The following RANBP3 variants were observed in gnomAD, a reference collection of about 807,000 sequenced individuals.
RANBP3 encodes the protein ran-binding protein 3.
A neutral mutation model predicts 77.3 loss-of-function variants in RANBP3; 14 were observed. The ratio of observed to expected loss-of-function variants is 0.18; its 90% CI spans 0.12 to 0.28. The LOEUF (loss-of-function observed/expected upper bound fraction) is 0.28, where lower values mean the gene tolerates loss of function less well. Ranked by LOEUF, RANBP3 falls within the 10% of genes least tolerant of loss-of-function variation. The probability of loss-of-function intolerance (pLI) is 1.00; values close to 1 mark genes in which losing one functional copy is unlikely to be tolerated. For synonymous variants in RANBP3, 315 were observed against 312.4 expected (o/e 1.01, Z -0.09); for missense variants, 586 against 752.3 (o/e 0.78, Z 2.59).
At chr19:5,953,640 C>T (rs1037113067) in intron 2 of RANBP3, among the ~76,000 whole-genome samples, 1 of 152,092 alleles carries the variant, frequency 6.6e-6, no homozygotes, top group Non-Finnish European at 1.5e-5. Flanking sequence ...ATGGAACAGC[C>T]TACATAAGGA....
intron 12 of RANBP3, 66 bp from the exon 13 acceptor site, chr19:5,923,369 C>T (rs2057853136): frequency 1.3e-6 from 2 of 1,494,750 alleles, no homozygotes; most frequent in East Asian, 2.3e-5. Context: ...CTCCCCTCAT[C>T]CGACAGGAGA....
At chr19:5,938,639 C>T (rs999891933) in intron 5 of RANBP3, among the ~76,000 whole-genome samples, 11 of 152,044 alleles carry the variant, frequency 7.2e-5, no homozygotes, top group African/African-American at 9.7e-5. Flanking sequence ...TTGCAGTGAG[C>T]CAAGATCGCC....
chr19:5,926,721 C>A (rs1286206316), intron 9 of RANBP3, among the ~76,000 whole-genome samples: 1 of 152,152 alleles, frequency 6.6e-6, no homozygotes, highest in African/African-American at 2.4e-5. Flanking sequence ...AGGGCCTGAA[C>A]TCCACAGGCC....
chr19:5,933,137 G>A lies in RANBP3; in HGVS notation c.472+277C>T, dbSNP rs990011305. On this transcript the variant is annotated intron_variant, in intron 6 of 16. Transcript: ENST00000340578. ...AGGACAGACAGGCTGAACCAAGTGC[G>A]CTACTGCTGGGCATGGAGCCCGCCC... The A allele has an allele frequency of 9.5e-6, 4 of 418,964 alleles. No homozygotes were observed. In the South Asian group the frequency reaches 1.1e-4, roughly 12 times the overall value. 26.0% of individuals were successfully genotyped at this position (418,964 alleles called of 1,614,324 possible). A position where few individuals can be genotyped will look rare whatever the true frequency, so the allele number is the denominator to read the frequency against.
At chr19:5,964,921 A>T (rs577565986) in intron 1 of RANBP3, among the ~76,000 whole-genome samples, 1 of 148,252 alleles carries the variant, frequency 6.7e-6, no homozygotes, top group Admixed American at 7.0e-5. Flanking sequence ...GCACATTTAT[A>T]CCTGCATGTG....
intron 7 of RANBP3, among the ~76,000 whole-genome samples, chr19:5,932,052 T>C (rs1050324259): frequency 6.6e-6 from 1 of 150,440 alleles, no homozygotes; most frequent in Non-Finnish European, 1.5e-5. Flanking sequence ...AATAAATAAA[T>C]AAATAAATAA....
At chr19:5,945,365 T>C (rs1161427514) in intron 3 of RANBP3, among the ~76,000 whole-genome samples, 1 of 152,202 alleles carries the variant, frequency 6.6e-6, no homozygotes, top group Non-Finnish European at 1.5e-5. Context: ...GTCAATTTCC[T>C]AGTTTCCGTT....
intron 1 of RANBP3, among the ~76,000 whole-genome samples, chr19:5,974,082 G>A (rs117756749): frequency 0.011 from 1,640 of 152,158 alleles, 10 homozygotes; most frequent in South Asian, 0.028. Flanking sequence ...TTGTCATGAC[G>A]ACCCCGCGAG....
intron 9 of RANBP3, among the ~76,000 whole-genome samples, chr19:5,927,176 TGGG>T (rs2057922715): frequency 6.6e-6 from 1 of 152,166 alleles, no homozygotes; most frequent in Non-Finnish European, 1.5e-5. Flanking sequence ...TGTCTGTGGC[TGGG>T]AAAGGTGGTG....
intron 1 of RANBP3, among the ~76,000 whole-genome samples, chr19:5,961,882 C>T (rs1358975769): frequency 6.6e-6 from 1 of 151,904 alleles, no homozygotes; most frequent in Non-Finnish European, 1.5e-5. Flanking sequence ...GCTGCACGTC[C>T]CACACTTAGG....
In RANBP3 at chr19:5,921,158, C is replaced by T. The variant is rs766869859; in HGVS notation, c.1330+43G>A. ...TTGGAATTGCATAGTCCCCAGCCCT[C>T]CCCATGGGGACCCGGCCACAGCCCC... On this transcript the variant is annotated intron_variant, in intron 14 of 16. Transcript: ENST00000340578. This position sits in a 1 kb window ranked among gnomAD's most constrained non-coding sequence, Gnocchi z 5.3. 2 of 1,591,366 alleles carry T rather than the reference C, an allele frequency of 1.3e-6. No homozygotes were observed. Among genetic ancestry groups the T allele is most frequent in the South Asian group, 2.2e-5 (2 of 89,878 alleles).
At chr19:5,923,985 C>G in intron 11 of RANBP3, 71 bp from the exon 12 acceptor site, 2 of 1,211,380 alleles carry the variant, frequency 1.7e-6, no homozygotes, top group Non-Finnish European at 2.4e-6. Context: ...CTGAGCACCT[C>G]TCTGCCTGGC....
intron 1 of RANBP3, among the ~76,000 whole-genome samples, chr19:5,962,127 C>T (rs187877045): frequency 1.3e-5 from 2 of 152,130 alleles, no homozygotes; most frequent in African/African-American, 2.4e-5. Context: ...CAGCGTACAC[C>T]GCATCAACAC....
At chr19:5,922,972 A>G (rs1314884460) in intron 13 of RANBP3, among the ~76,000 whole-genome samples, 2 of 152,210 alleles carry the variant, frequency 1.3e-5, no homozygotes, top group Non-Finnish European at 2.9e-5. Flanking sequence ...AGAATGTCTC[A>G]AACAGATCCT....
rs1389377686 is a variant in RANBP3, at chr19:5,917,513, G to A, written c.*97C>T. The A allele has an allele frequency of 1.2e-5, 16 of 1,389,768 alleles. No homozygotes were observed. Among genetic ancestry groups the A allele is most frequent in the East Asian group, 1.0e-4 (4 of 39,696 alleles). 86.1% of individuals were successfully genotyped at this position (1,389,768 alleles called of 1,614,324 possible). The stretch of plus-strand genomic sequence containing the variant: ...CGGCCCAGTGGGGTGTGTGGTTCCC[G>A]GCCCCGCACCTGGACGCTGCCGGTG... On this transcript the variant is annotated 3_prime_UTR_variant, in exon 17 of 17. Coordinates refer to ENST00000340578, the MANE Select transcript of RANBP3 (RefSeq NM_007322.3).
intron 1 of RANBP3, among the ~76,000 whole-genome samples, chr19:5,969,768 AAG>A (rs1393918343): frequency 6.6e-6 from 1 of 152,226 alleles, no homozygotes; most frequent in African/African-American, 2.4e-5. Flanking sequence ...GGCATCCCTG[AAG>A]GTTCTTCCCA....
chr19:5,921,087 T>C lies in RANBP3; in HGVS notation c.1330+114A>G. ...CTCATGGGAGACCGACTCTGTGCCT[T>C]GACTCTCACAAGGGTAGGGTCAGGA... On this transcript the variant is annotated intron_variant, in intron 14 of 16. Transcript: ENST00000340578. This position sits in a 1 kb window ranked among gnomAD's most constrained non-coding sequence, Gnocchi z 5.3. The C allele has an allele frequency of 7.3e-7, 1 of 1,367,620 alleles. No individual in the cohort carries two copies. 84.7% of individuals were successfully genotyped at this position (1,367,620 alleles called of 1,614,324 possible). A position where few individuals can be genotyped will look rare whatever the true frequency, so the allele number is the denominator to read the frequency against.
intron 1 of RANBP3, among the ~76,000 whole-genome samples, chr19:5,963,206 T>G (rs1410608650): frequency 1.3e-5 from 2 of 152,184 alleles, no homozygotes; most frequent in Admixed American, 1.3e-4. Flanking sequence ...ACCTAGTTTG[T>G]AAAAAATGCA....
chr19:5,966,606 C>A (rs560605883), intron 1 of RANBP3, among the ~76,000 whole-genome samples: 14 of 152,392 alleles, frequency 9.2e-5, no homozygotes, highest in African/African-American at 3.4e-4. Flanking sequence ...CCCTGCCTTA[C>A]AGTAAGCTTT....
Sources: gnomAD v4.1 joint callset for allele counts (sites outside exome capture counted in the v4.1 genomes callset) on GRCh38, gnomAD v4.1.1 for gene constraint, Gnocchi (gnomAD v3.1) non-coding constraint, MANE v1.5 for transcripts, NCBI Gene and HGNC (gene_info 2026-07-23, HGNC 2026-07-21) for gene names.